The following MS4A8 variants were observed in gnomAD, a reference collection of about 807,000 sequenced individuals.
MS4A8 encodes the protein membrane spanning 4-domains A8, also known as membrane-spanning 4-domains subfamily A member 8.
Under a neutral mutation model 23.7 loss-of-function variants are expected in MS4A8, and 27 were observed. The ratio of observed to expected loss-of-function variants is 1.14; its 90% CI spans 0.84 to 1.57. The LOEUF is 1.57. Ranked by LOEUF, MS4A8 falls within the 40% of genes most tolerant of loss-of-function variation. MS4A8 has a pLI of 0.00. For synonymous variants in MS4A8, 138 were observed against 126.3 expected, an observed-to-expected ratio of 1.09 and a Z score of -0.62; for missense variants, 301 against 311.4, an observed-to-expected ratio of 0.97 and a Z score of 0.25.
chr11:60,700,118 G>A (rs1157621017), intron 1 of MS4A8, among the ~76,000 whole-genome samples: 1 of 152,338 alleles, frequency 6.6e-6, no homozygotes, highest in Non-Finnish European at 1.5e-5. Context: ...GGACCTTGGA[G>A]GATTCTTGTC....
chr11:60,711,442 T>C (rs747141935), intron 5 of MS4A8, among the ~76,000 whole-genome samples: 5 of 152,174 alleles, frequency 3.3e-5, no homozygotes, highest in Admixed American at 6.5e-5. Flanking sequence ...CCAGAAACAT[T>C]TTATGGCTCC....
chr11:60,704,833 CACAT>C (rs1281792888), intron 3 of MS4A8, among the ~76,000 whole-genome samples: 3,856 of 107,948 alleles, frequency 0.036, 162 homozygotes, highest in African/African-American at 0.13. Context: ...CACACACACA[CACAT>C]ACACACACAC....
chr11:60,701,831 G>A (rs1487775239), intron 2 of MS4A8, among the ~76,000 whole-genome samples: 3 of 152,098 alleles, frequency 2.0e-5, no homozygotes, highest in Admixed American at 6.6e-5. Context: ...ATATAATACC[G>A]GTTAAGTCAG....
rs531180597 is a variant in MS4A8 at position 60,708,558 on chromosome 11, A to G, written c.403-92A>G. ...CATATATGTTAACACAATTTTAGAA[A>G]TTGGGGGGAAAAAGAAACACTTGTT... On this transcript the variant is annotated intron_variant, in intron 4 of 6. Transcript: ENST00000300226. The G allele has an allele frequency of 9.2e-5, 125 of 1,352,962 alleles. 1 individual carries two copies. Among genetic ancestry groups the G allele is most frequent in the Admixed American group, 3.4e-4 (13 of 38,400 alleles). 83.8% of individuals were successfully genotyped at this position (1,352,962 alleles called of 1,614,324 possible).
In MS4A8 at chr11:60,711,494, T is replaced by C. The variant is rs554304371; in HGVS notation, c.534+2713T>C. On this transcript the variant is annotated intron_variant, in intron 5 of 6. Transcript: ENST00000300226. ...AAAGTCCAAATTCCTCAGCCAGGTA[T>C]TTGCCCTCCCTGGGGGATCTGGCTC... 2.0e-5 allele frequency among the ~76,000 whole-genome samples: 3 copies of C among 152,268 alleles called. No homozygotes were observed. The East Asian group carries it at 5.8e-4, about 29-fold the overall frequency.
intron 5 of MS4A8, among the ~76,000 whole-genome samples, chr11:60,711,406 C>CAA (rs922972964): frequency 5.9e-5 from 9 of 152,212 alleles, no homozygotes; most frequent in African/African-American, 2.2e-4. Context: ...TGTCATTTAT[C>CAA]AAAAGTACCT....
At chr11:60,711,426 C>G (rs1353408117) in intron 5 of MS4A8, among the ~76,000 whole-genome samples, 1 of 152,188 alleles carries the variant, frequency 6.6e-6, no homozygotes. Flanking sequence ...TTGAGTTTCT[C>G]CCCTCCCAGA....
intron 5 of MS4A8, among the ~76,000 whole-genome samples, chr11:60,712,974 A>G (rs1319443494): frequency 6.6e-6 from 1 of 151,964 alleles, no homozygotes; most frequent in Non-Finnish European, 1.5e-5. Context: ...AAGACTCCAT[A>G]CTCCTGGGTA....
In MS4A8 at chr11:60,700,998, T is replaced by C; in HGVS notation, c.138T>C (p.Val46=). Residue 46 remains valine, a synonymous_variant, in exon 2 of 7, where the codon GTT becomes GTC. Coordinates refer to ENST00000300226, the MANE Select transcript of MS4A8 (RefSeq NM_031457.2). ...YPNSQPQVHL[V]PGNPPSLVSN... ...ACAGCCAGCCGCAAGTCCACCTAGT[T>C]CCTGGGAACCCACCTAGTTTGGTGT... 6.2e-7 allele frequency: 1 copy of C among 1,614,176 alleles called. No homozygotes were observed. Among genetic ancestry groups the C allele is most frequent in the Non-Finnish European group, 8.5e-7 (1 of 1,180,028 alleles).
In MS4A8 at chr11:60,715,446, G is replaced by A. The variant is rs2088336117; in HGVS notation, c.*32G>A. 2 of 1,572,096 alleles carry A rather than the reference G, an allele frequency of 1.3e-6. No homozygotes were observed. Among genetic ancestry groups the A allele is most frequent in the Non-Finnish European group, 1.7e-6 (2 of 1,144,822 alleles). On this transcript the variant is annotated 3_prime_UTR_variant, in exon 7 of 7. Transcript: ENST00000300226. ...AGATTCTGGAAGCATCTTTCACTGG[G>A]ACCAAAAGAAGTCCTCCTCCCTTTC...
chr11:60,709,450 G>A (rs1005315243), intron 5 of MS4A8, among the ~76,000 whole-genome samples: 3 of 152,138 alleles, frequency 2.0e-5, no homozygotes, highest in Non-Finnish European at 2.9e-5. Flanking sequence ...ATTTAACCCC[G>A]TATATCTAAA....
chr11:60,710,768 C>T (rs936255802), intron 5 of MS4A8, among the ~76,000 whole-genome samples: 2 of 152,084 alleles, frequency 1.3e-5, no homozygotes, highest in Non-Finnish European at 1.5e-5. Context: ...CCTCTGGTGC[C>T]CCCCGCCCCT....
At chr11:60,707,572 T>C (rs1241239663) in intron 4 of MS4A8, among the ~76,000 whole-genome samples, 1 of 152,178 alleles carries the variant, frequency 6.6e-6, no homozygotes, top group Non-Finnish European at 1.5e-5. Flanking sequence ...CCTTCATTTG[T>C]CTCATAATCA....
chr11:60,710,817 G>A (rs1048322124), intron 5 of MS4A8, among the ~76,000 whole-genome samples: 5 of 152,240 alleles, frequency 3.3e-5, no homozygotes, highest in Non-Finnish European at 4.4e-5. Flanking sequence ...GCTGAACCAC[G>A]GGAACCTCCA....
At chr11:60,712,188 C>T (rs933958509) in intron 5 of MS4A8, 1 of 311,652 alleles carries the variant, frequency 3.2e-6, no homozygotes, top group Non-Finnish European at 4.7e-6. Flanking sequence ...GGACAACTGC[C>T]TCTACCCTCA....
chr11:60,712,198 A>G (rs908757535), intron 5 of MS4A8: 3 of 363,130 alleles, frequency 8.3e-6, no homozygotes, highest in Admixed American at 6.5e-5. Flanking sequence ...CTCTACCCTC[A>G]CCCTCTCTAA....
In MS4A8 at chr11:60,715,204, G is replaced by C. The variant is rs2134664271; in HGVS notation, c.648+70G>C. On this transcript the variant is annotated intron_variant, in intron 6 of 6. Coordinates refer to ENST00000300226, the MANE Select transcript of MS4A8 (RefSeq NM_031457.2). ...AGGTGGAGACAAGGGAGCTCTTTGT[G>C]CTTTCCACTGCCTGCTCAGGAGCAG... The C allele has an allele frequency of 4.7e-6, 7 of 1,488,832 alleles. No individual in the cohort carries two copies. In the South Asian group the frequency reaches 7.9e-5, roughly 17 times the overall value. The allele number at this position is 1,488,832 out of a possible 1,614,324, so 92.2% of individuals were successfully genotyped here.
chr11:60,701,175 G>C, intron 2 of MS4A8, 96 bp downstream of exon 2: 1 of 1,175,408 alleles, frequency 8.5e-7, no homozygotes, highest in Non-Finnish European at 1.2e-6. Flanking sequence ...ACTACATCCC[G>C]CAAGTGGGGC....
Position 60,715,673 on chromosome 11 carries a change from G to A in MS4A8, c.*259G>A, listed in dbSNP as rs1347558704. On this transcript the variant is annotated 3_prime_UTR_variant, in exon 7 of 7. Transcript: ENST00000300226. The stretch of plus-strand genomic sequence containing the variant: ...GCATCAGCACATATGTGGGCATCCA[G>A]CCTCTGGGGCCTTGGCACACACACA... 6 of 461,082 alleles carry A rather than the reference G, an allele frequency of 1.3e-5. 1 individual carries two copies. In the Admixed American group the frequency reaches 1.5e-4, roughly 12 times the overall value. 28.6% of individuals were successfully genotyped at this position (461,082 alleles called of 1,614,324 possible).
Sources: allele counts gnomAD v4.1 joint callset (sites outside exome capture counted in the v4.1 genomes callset), GRCh38; gene constraint gnomAD v4.1.1; transcripts MANE v1.5; gene names NCBI Gene and HGNC (gene_info 2026-07-23, HGNC 2026-07-21).